Variants in NLGN1 observed in about 807,000 individuals in gnomAD.
NLGN1 encodes neuroligin 1.
A neutral mutation model predicts 65.5 loss-of-function variants in NLGN1; 12 were observed. The ratio of observed to expected loss-of-function variants is 0.18; its 90% CI spans 0.12 to 0.30. NLGN1 has a LOEUF of 0.30. Ranked by LOEUF, NLGN1 falls within the 10% of genes least tolerant of loss-of-function variation. The probability of loss-of-function intolerance (pLI) is 1.00; values close to 1 mark genes in which losing one functional copy is unlikely to be tolerated. For missense variants in NLGN1, 750 were observed against 1,007.1 expected, an observed-to-expected ratio of 0.74 and a Z score of 3.46; for synonymous variants, 350 against 359.5, an observed-to-expected ratio of 0.97 and a Z score of 0.30.
intron 4 of NLGN1, among the ~76,000 whole-genome samples, chr3:174,272,568 G>T (rs1749601901): frequency 6.6e-6 from 1 of 151,470 alleles, no homozygotes; most frequent in African/African-American, 2.4e-5. Flanking sequence ...AAAGACAGCT[G>T]CTATCAGTTT....
chr3:173,734,379 C>CAAT (rs1560261820), intron 3 of NLGN1, among the ~76,000 whole-genome samples: 1 of 59,048 alleles, frequency 1.7e-5, no homozygotes, highest in African/African-American at 6.4e-5. Flanking sequence ...GTGGATAATT[C>CAAT]TATTTTTTTT....
At chr3:173,953,224 G>T (rs993076101) in intron 4 of NLGN1, among the ~76,000 whole-genome samples, 2 of 152,104 alleles carry the variant, frequency 1.3e-5, no homozygotes, top group Non-Finnish European at 1.5e-5. Context: ...TCAGAGAAAA[G>T]AATTCACATT....
chr3:173,460,139 T>G (rs1405167667), intron 2 of NLGN1, among the ~76,000 whole-genome samples: 2 of 152,124 alleles, frequency 1.3e-5, no homozygotes, highest in Non-Finnish European at 2.9e-5. Flanking sequence ...ATTGAAAACT[T>G]CAATTGTAAT....
At position 173,709,946 on chromosome 3, in the gene NLGN1, T is replaced by TTTTGTAATATTTA. The variant is rs1553811714; in HGVS notation, c.494-97734_494-97733insTTTGTAATATTTA. Among the ~76,000 whole-genome samples the TTTTGTAATATTTA allele has an allele frequency of 7.9e-5, 12 of 152,216 alleles. No individual in the cohort carries two copies. The South Asian group carries it at 2.5e-3, about 32-fold the overall frequency. ...AGTACTTTTGTAATATTTGTTAAAT[T>TTTTGTAATATTTA]AAGGCTATAAAATAGTCTTTAAAGG... On this transcript the variant is annotated intron_variant, in intron 3 of 6. Coordinates refer to ENST00000457714, the Ensembl canonical transcript of NLGN1.
intron 4 of NLGN1, among the ~76,000 whole-genome samples, chr3:173,857,123 G>C (rs890441978): frequency 6.6e-6 from 1 of 151,998 alleles, no homozygotes; most frequent in Non-Finnish European, 1.5e-5. Flanking sequence ...ATGCCACCTG[G>C]ACACATGAAG....
At chr3:174,203,475 G>C (rs1205480110) in intron 4 of NLGN1, among the ~76,000 whole-genome samples, 1 of 152,182 alleles carries the variant, frequency 6.6e-6, no homozygotes, top group Non-Finnish European at 1.5e-5. Context: ...GCCATGGTAA[G>C]TATGCTGTCC....
chr3:173,495,658 C>T (rs1039730456), intron 2 of NLGN1, among the ~76,000 whole-genome samples: 5 of 134,078 alleles, frequency 3.7e-5, no homozygotes, highest in Middle Eastern at 3.9e-3. Flanking sequence ...CTTCTTTTCC[C>T]GGTTTTCTAA....
intron 4 of NLGN1, among the ~76,000 whole-genome samples, chr3:173,926,148 C>G (rs1187794186): frequency 6.6e-6 from 1 of 151,574 alleles, no homozygotes. Context: ...TTTTTATTAA[C>G]TTTAAATAGT....
intron 3 of NLGN1, among the ~76,000 whole-genome samples, chr3:173,749,004 G>GA (rs952707450): frequency 3.7e-4 from 56 of 151,936 alleles, no homozygotes; most frequent in Non-Finnish European, 4.6e-4. Context: ...CATTATGAAG[G>GA]AAAAAAAGCA....
At chr3:173,938,307 C>G (rs977867137) in intron 4 of NLGN1, among the ~76,000 whole-genome samples, 4 of 152,072 alleles carry the variant, frequency 2.6e-5, no homozygotes, top group African/African-American at 9.7e-5. Context: ...AAGTGCCCCT[C>G]CATAGCAGAA....
At chr3:173,981,942 C>A (rs1353225987) in intron 4 of NLGN1, among the ~76,000 whole-genome samples, 1 of 151,872 alleles carries the variant, frequency 6.6e-6, no homozygotes, top group African/African-American at 2.4e-5. Context: ...ATGATTTTAA[C>A]AGCTGATATT....
Position 173,536,904 on chromosome 3 carries a change from A to G in NLGN1, c.-320-67375A>G, listed in dbSNP as rs1737524828. ...GAACTGTTGTTATAATCTGAGTCCA[A>G]AGGCCTGAGAAACGAGAGCCAATGG... On this transcript the variant is annotated intron_variant, in intron 2 of 6. Coordinates refer to ENST00000457714, the Ensembl canonical transcript of NLGN1. 4.6e-5 allele frequency among the ~76,000 whole-genome samples: 7 copies of G among 152,198 alleles called. No homozygotes were observed. The South Asian group carries it at 1.4e-3, about 32-fold the overall frequency.
At chr3:173,651,190 C>T (rs762361976) in intron 3 of NLGN1, among the ~76,000 whole-genome samples, 5 of 151,864 alleles carry the variant, frequency 3.3e-5, no homozygotes, top group Non-Finnish European at 5.9e-5. Context: ...TAGTGTTTGA[C>T]TTGCTGTTTC....
chr3:173,917,841 T>TTGTGTGTGTGTGTGTGTGTG (rs145802137), intron 4 of NLGN1, among the ~76,000 whole-genome samples: 3,152 of 146,398 alleles, frequency 0.022, 110 homozygotes, highest in African/African-American at 0.074. Flanking sequence ...CAAAGCAACA[T>TTGTGTGTGTGTGTGTGTGTG]TGTGTGTGTG....
At chr3:173,744,447 A>T (rs769635751) in intron 3 of NLGN1, among the ~76,000 whole-genome samples, 22 of 152,110 alleles carry the variant, frequency 1.4e-4, no homozygotes, top group Non-Finnish European at 3.1e-4. Context: ...AACAATCAAG[A>T]AAATAGTGAG....
intron 4 of NLGN1, among the ~76,000 whole-genome samples, chr3:173,917,747 C>T (rs1364646595): frequency 1.3e-5 from 2 of 151,996 alleles, no homozygotes; most frequent in Admixed American, 1.3e-4. Context: ...TGTCTAACTG[C>T]CTCCACCTGA....
chr3:173,405,570 T>C (rs530217438), intron 1 of NLGN1, among the ~76,000 whole-genome samples: 1 of 152,156 alleles, frequency 6.6e-6, no homozygotes, highest in Admixed American at 6.5e-5. Context: ...ACCAAACTAA[T>C]AATCTCCAAA....
At chr3:173,612,398 A>G (rs1752432811) in intron 3 of NLGN1, among the ~76,000 whole-genome samples, 1 of 152,126 alleles carries the variant, frequency 6.6e-6, no homozygotes, top group Admixed American at 6.6e-5. Context: ...GTCTGGAGTC[A>G]AGAAGTTTAA....
intron 4 of NLGN1, among the ~76,000 whole-genome samples, chr3:173,860,355 T>C (rs1443854301): frequency 6.6e-6 from 1 of 152,184 alleles, no homozygotes. Context: ...TCCAAATTTC[T>C]GAACATTGTT....
Sources: gnomAD v4.1 joint callset for allele counts (sites outside exome capture counted in the v4.1 genomes callset) on GRCh38, gnomAD v4.1.1 for gene constraint, MANE v1.5 for transcripts, NCBI Gene and HGNC (gene_info 2026-07-23, HGNC 2026-07-21) for gene names.